The following NME3 variants were observed in gnomAD, a reference collection of about 807,000 sequenced individuals.
NME3 encodes nucleoside diphosphate kinase C.
Under a neutral mutation model 15.8 loss-of-function variants are expected in NME3, and 23 were observed. The ratio of observed to expected loss-of-function variants is 1.45; its 90% CI spans 1.05 to 2.06. The LOEUF (loss-of-function observed/expected upper bound fraction) is 2.06, where lower values mean the gene tolerates loss of function less well. Among genes scored for constraint, NME3 ranks in the 30% most tolerant of loss-of-function variants. The probability of loss-of-function intolerance (pLI) is 0.00; values close to 1 mark genes in which losing one functional copy is unlikely to be tolerated. For missense variants in NME3, 354 were observed against 243.2 expected, an observed-to-expected ratio of 1.46 and a Z score of -3.03; for synonymous variants, 157 against 104.4, an observed-to-expected ratio of 1.50 and a Z score of -3.07.
chr16:1,770,759 T>G lies in NME3; in HGVS notation c.400A>C (p.Ile134Leu). ...DFCIEVGKNL[I>L]HGSDSVESAR... is the part of the protein sequence containing the mutation. Reference sequence around the variant, plus strand: ...CTCTCCACCGAGTCGCTGCCGTGAATCAGGTTCCTGCGCGGAAGAGGCGCG... The same window carrying G: ...CTCTCCACCGAGTCGCTGCCGTGAAGCAGGTTCCTGCGCGGAAGAGGCGCG... Residue 134 changes from isoleucine to leucine, a missense_variant, in exon 5 of 5, where the codon ATT becomes CTT. Coordinates refer to ENST00000219302, the MANE Select transcript of NME3 (RefSeq NM_002513.3). 6.2e-7 allele frequency: 1 copy of G among 1,602,520 alleles called. No homozygotes were observed.
At position 1,771,495 on chromosome 16, in the gene NME3, G is replaced by C. The variant is rs961990084; in HGVS notation, c.40C>G (p.Pro14Ala). 121 of 1,315,404 alleles carry C rather than the reference G, an allele frequency of 9.2e-5. No individual in the cohort carries two copies. The East Asian group carries it at 3.8e-3, about 41-fold the overall frequency. The allele number at this position is 1,315,404 out of a possible 1,614,324, so 81.5% of individuals were successfully genotyped here. A position where few individuals can be genotyped will look rare whatever the true frequency, so the allele number is the denominator to read the frequency against. ...CCCGCGCCGCGCGGCTCACCCGCGG[G>C]GAAGAGGTTAGCGAAGATGGTCAGC... ...LVLTIFANLF[P>A]AACTGAHERT... Residue 14 changes from proline to alanine, a missense_variant, in exon 1 of 5, where the codon CCC (proline) becomes GCC (alanine). Physicochemically the swap from Pro to Ala is conservative, Grantham distance 27. Coordinates refer to ENST00000219302, the MANE Select transcript of NME3 (RefSeq NM_002513.3).
At position 1,770,670 on chromosome 16, in the gene NME3, A is replaced by C; in HGVS notation, c.489T>G (p.Ala163=). The part of the protein sequence containing the change: ...ADELLCWEDS[A]GHWLYE ...CGGGCTACTCATACAGCCAGTGCCC[A>C]GCGCTGTCCTCCCAGCAGAGGAGCT... The change falls in exon 5 of 5, where the codon GCT becomes GCG. Residue 163 remains alanine, a synonymous_variant. Transcript: ENST00000219302. The C allele has an allele frequency of 3.2e-6, 5 of 1,583,688 alleles. No homozygotes were observed. Among genetic ancestry groups the C allele is most frequent in the African/African-American group, 1.3e-5 (1 of 74,474 alleles).
Position 1,771,114 on chromosome 16 carries a change from C to T in NME3, c.235G>A (p.Gly79Ser). 2 of 1,609,946 alleles carry T rather than the reference C, an allele frequency of 1.2e-6. No homozygotes were observed. The highest frequency in any genetic ancestry group is 8.5e-7 in the Non-Finnish European group (1 of 1,179,224). Residue 79 changes from glycine to serine, a missense_variant, in exon 3 of 5, where the codon GGC (glycine) becomes AGC (serine). Transcript: ENST00000219302. ...GAGGCCATATACTTGACAAGGCGGC[C>T]GTAGAACGGGCGTTCACGCAGCTCG... ...YAELRERPFYGRLVKYMASGP... is the reference protein window; with the variant it reads ...YAELRERPFYSRLVKYMASGP...
Position 1,771,266 on chromosome 16 carries a change from C to T in NME3, c.177+14G>A, listed in dbSNP as rs1221425092. 3.8e-6 allele frequency: 6 copies of T among 1,595,058 alleles called. No individual in the cohort carries two copies. The highest frequency in any genetic ancestry group is 5.1e-6 in the Non-Finnish European group (6 of 1,174,578). On this transcript the variant is annotated intron_variant, in intron 2 of 4. Coordinates refer to ENST00000219302, the MANE Select transcript of NME3 (RefSeq NM_002513.3). ...CCCCCACACCGCGCCCCCGCTCGCT[C>T]ACCGCGCCCCCACCTGCACCAGCTT...
At chr16:1,771,213 A>C in intron 2 of NME3, 42 bp from the exon 3 acceptor site, 1 of 1,571,194 alleles carries the variant, frequency 6.4e-7, no homozygotes, top group Non-Finnish European at 8.6e-7. Flanking sequence ...CCCGGCACCT[A>C]GGCGTCCCCA....
chr16:1,771,465 C>A (rs958762929), intron 1 of NME3, 24 bp downstream of exon 1: 5 of 1,341,098 alleles, frequency 3.7e-6, no homozygotes, highest in Non-Finnish European at 4.8e-6. Flanking sequence ...GCCACCCGCC[C>A]CCGGCCCGCG....
Position 1,770,913 on chromosome 16 carries a change from G to C in NME3, c.360C>G (p.Thr120=), listed in dbSNP as rs1180187879. 1 of 1,586,794 alleles carries C rather than the reference G, an allele frequency of 6.3e-7. No homozygotes were observed. The highest frequency in any genetic ancestry group is 1.7e-4 in the Middle Eastern group (1 of 5,980). ...ATNPADAPPG[T]IRGDFCIEVG... ...CCTCGATGCAGAAATCCCCGCGGAT[G>C]GTGCCGGGCGGGGCGTCGGCCGGGT... Residue 120 remains threonine, a synonymous_variant, in exon 4 of 5, where the codon ACC becomes ACG. Transcript: ENST00000219302.
In NME3 at chr16:1,770,994, C is replaced by G; in HGVS notation, c.280-1G>C. The G allele has an allele frequency of 6.3e-7, 1 of 1,592,230 alleles. No homozygotes were observed. Among genetic ancestry groups the G allele is most frequent in the South Asian group, 1.1e-5 (1 of 89,812 alleles). ...GCACCACGTCCAGCCCCTGCCATAC[C>G]TGTGCGGAGGAACGGGCGCGGTATC... is the stretch of plus-strand genomic sequence containing the variant. On this transcript the variant is annotated splice_acceptor_variant, in intron 3 of 4. Transcript: ENST00000219302. LOFTEE classifies it high-confidence loss of function.
rs375499935 is a variant in NME3 at position 1,770,923 on chromosome 16, G to A, written c.350C>T (p.Pro117Leu). ...LIGATNPADA[P>L]PGTIRGDFCI... ...GAAATCCCCGCGGATGGTGCCGGGC[G>A]GGGCGTCGGCCGGGTTCGTGGCTCC... The change falls in exon 4 of 5, where the codon CCG becomes CTG. Residue 117 changes from proline to leucine, a missense_variant. By Grantham distance (98) the Pro-to-Leu change is moderately conservative. Coordinates refer to ENST00000219302, the MANE Select transcript of NME3 (RefSeq NM_002513.3). 1 of 1,588,030 alleles carries A rather than the reference G, an allele frequency of 6.3e-7. No individual in the cohort carries two copies. Among genetic ancestry groups the A allele is most frequent in the Non-Finnish European group, 8.6e-7 (1 of 1,163,630 alleles).
At position 1,770,552 on chromosome 16, in the gene NME3, G is replaced by T. The variant is rs2042559492; in HGVS notation, c.*97C>A. 6.6e-6 allele frequency: 6 copies of T among 908,152 alleles called. No individual in the cohort carries two copies. Among genetic ancestry groups the T allele is most frequent in the Non-Finnish European group, 9.7e-6 (6 of 616,314 alleles). 56.3% of individuals were successfully genotyped at this position (908,152 alleles called of 1,614,324 possible). On this transcript the variant is annotated 3_prime_UTR_variant, in exon 5 of 5. Coordinates refer to ENST00000219302, the MANE Select transcript of NME3 (RefSeq NM_002513.3). ...GGATGTTCAGCAGCCCGTCCAAAGG[G>T]ATGCTCCAAGCGCTGTGGGGTGGGG...
At chr16:1,771,445 C>T in intron 1 of NME3, 35 bp from the exon 2 acceptor site, 2 of 1,405,698 alleles carry the variant, frequency 1.4e-6, no homozygotes, top group Non-Finnish European at 1.8e-6. Context: ...GTCAGGCCGG[C>T]CCAGCACCGG....
chr16:1,770,603 G>T lies in NME3; in HGVS notation c.*46C>A. The T allele has an allele frequency of 6.8e-7, 1 of 1,461,344 alleles. No homozygotes were observed. The highest frequency in any genetic ancestry group is 2.4e-5 in the East Asian group (1 of 41,798). The allele number at this position is 1,461,344 out of a possible 1,614,324, so 90.5% of individuals were successfully genotyped here. The stretch of plus-strand genomic sequence containing the variant: ...CCAGAAGCCCGCCCACCTGGGCCCT[G>T]GAGGAGGCTGGAGTGTGAGAGCCTC... On this transcript the variant is annotated 3_prime_UTR_variant, in exon 5 of 5. Coordinates refer to ENST00000219302, the MANE Select transcript of NME3 (RefSeq NM_002513.3).
rs1310392033 is a variant in NME3 at position 1,771,140 on chromosome 16, G to C, written c.209C>G (p.Ala70Gly). Residue 70 changes from alanine to glycine, a missense_variant, in exon 3 of 5, where the codon GCC becomes GGC. By Grantham distance (60) the Ala-to-Gly change is moderately conservative. Transcript: ENST00000219302. ...GTAGAACGGGCGTTCACGCAGCTCGGCGTAGTGCTCACGCAGCAGCTCCTC... is the reference window on the plus strand; with the variant it reads ...GTAGAACGGGCGTTCACGCAGCTCGCCGTAGTGCTCACGCAGCAGCTCCTC... ...ASEELLREHY[A>G]ELRERPFYGR... 2.5e-6 allele frequency: 4 copies of C among 1,607,702 alleles called. No individual in the cohort carries two copies. In the East Asian group the frequency reaches 8.9e-5, roughly 36 times the overall value.
Position 1,771,077 on chromosome 16 carries a change from A to C in NME3, c.272T>G (p.Val91Gly). The change falls in exon 3 of 5, where the codon GTG (valine) becomes GGG (glycine). Residue 91 changes from valine to glycine, a missense_variant. Val to Gly is a moderately radical substitution (Grantham distance 109). Coordinates refer to ENST00000219302, the MANE Select transcript of NME3 (RefSeq NM_002513.3). The stretch of plus-strand genomic sequence containing the variant: ...CGCTTCCCGGATACTCACCATGGCC[A>C]CCACCGGCCCGGAGGCCATATACTT... ...LVKYMASGPV[V>G]AMVWQGLDVV... is the part of the protein sequence containing the mutation. 6.2e-7 allele frequency: 1 copy of C among 1,607,866 alleles called. No homozygotes were observed. Among genetic ancestry groups the C allele is most frequent in the Non-Finnish European group, 8.5e-7 (1 of 1,177,414 alleles).
Position 1,771,273 on chromosome 16 carries a change from C to G in NME3, c.177+7G>C. The stretch of plus-strand genomic sequence containing the variant: ...ACCGCGCCCCCGCTCGCTCACCGCG[C>G]CCCCACCTGCACCAGCTTCAGCGCC... On this transcript the variant is annotated splice_region_variant and intron_variant, in intron 2 of 4. Transcript: ENST00000219302. 1 of 1,599,146 alleles carries G rather than the reference C, an allele frequency of 6.3e-7. No individual in the cohort carries two copies. The highest frequency in any genetic ancestry group is 8.5e-7 in the Non-Finnish European group (1 of 1,176,086).
intron 4 of NME3, 39 bp from the exon 5 acceptor site, chr16:1,770,805 C>T (rs1478409614): frequency 5.0e-6 from 8 of 1,586,582 alleles, no homozygotes; most frequent in African/African-American, 1.3e-5. Flanking sequence ...GGAAAGAGAC[C>T]TCCGGCACGG....
In NME3 at chr16:1,770,682, C is replaced by G. The variant is rs140703991; in HGVS notation, c.477G>C (p.Trp159Cys). The G allele has an allele frequency of 5.7e-6, 9 of 1,584,990 alleles. No homozygotes were observed. Among genetic ancestry groups the G allele is most frequent in the Non-Finnish European group, 6.9e-6 (8 of 1,166,608 alleles). ...ACAGCCAGTGCCCAGCGCTGTCCTC[C>G]CAGCAGAGGAGCTCGTCTGCGCGGA... ...LWFRADELLC[W>C]EDSAGHWLYE Residue 159 changes from tryptophan (W) to cysteine (C), a missense_variant, in exon 5 of 5, where the codon TGG (tryptophan) becomes TGC (cysteine). Physicochemically the swap from Trp to Cys is radical, Grantham distance 215 (BLOSUM62 -2). Transcript: ENST00000219302.
intron 3 of NME3, 34 bp from the exon 4 acceptor site, chr16:1,771,027 G>C (rs1187097010): frequency 6.3e-7 from 1 of 1,595,088 alleles, no homozygotes; most frequent in Admixed American, 1.7e-5. Context: ...ATCACGCGGG[G>C]GTGGGGGTCC....
At position 1,770,977 on chromosome 16, in the gene NME3, T is replaced by A. The variant is rs1220876957; in HGVS notation, c.296A>T (p.Asp99Val). ...GAGCGCCCGCGAGGTGCGCACCACG[T>A]CCAGCCCCTGCCATACCTGTGCGGA... ...PVVAMVWQGLDVVRTSRALIG... is the reference protein window; with the variant it reads ...PVVAMVWQGLVVVRTSRALIG... The change falls in exon 4 of 5, where the codon GAC becomes GTC. Residue 99 changes from aspartate to valine, a missense_variant. Coordinates refer to ENST00000219302, the MANE Select transcript of NME3 (RefSeq NM_002513.3). 1.3e-6 allele frequency: 2 copies of A among 1,588,728 alleles called. No individual in the cohort carries two copies. Among genetic ancestry groups the A allele is most frequent in the Non-Finnish European group, 8.6e-7 (1 of 1,163,978 alleles).
Sources: allele counts gnomAD v4.1 joint callset, GRCh38; gene constraint gnomAD v4.1.1; transcripts MANE v1.5; gene names NCBI Gene and HGNC (gene_info 2026-07-23, HGNC 2026-07-21).